Variants in FRMD4A observed in about 807,000 individuals in gnomAD.
FRMD4A encodes the protein FERM domain-containing protein 4A.
FRMD4A carries 29 observed loss-of-function variants against 129.1 expected under a neutral mutation model. The ratio of observed to expected loss-of-function variants is 0.22; its 90% CI spans 0.17 to 0.31. The LOEUF is 0.31. FRMD4A is among the 10% of genes least tolerant of loss of function. The pLI is 1.00. For synonymous variants in FRMD4A, 634 were observed against 571.6 expected (o/e 1.11, Z -1.56); for missense variants, 1,272 against 1,375.8 (o/e 0.92, Z 1.19).
chr10:13,829,893 C>T (rs1236225205), intron 3 of FRMD4A, among the ~76,000 whole-genome samples: 1 of 152,184 alleles, frequency 6.6e-6, no homozygotes, highest in African/African-American at 2.4e-5. Flanking sequence ...GGGGCCTGGC[C>T]AGGCCACTGG....
chr10:13,937,345 A>G (rs996510397), intron 2 of FRMD4A, among the ~76,000 whole-genome samples: 9 of 152,242 alleles, frequency 5.9e-5, no homozygotes, highest in African/African-American at 2.2e-4. Context: ...AGAAAGGGTC[A>G]GCAGATGAAC....
chr10:14,118,147 G>T (rs1453145059), intron 2 of FRMD4A, among the ~76,000 whole-genome samples: 1 of 152,168 alleles, frequency 6.6e-6, no homozygotes, highest in Non-Finnish European at 1.5e-5. Flanking sequence ...ATATGAGTTT[G>T]ACCAAACACC....
chr10:13,685,724 C>CAG, intron 15 of FRMD4A: 1 of 755,240 alleles, frequency 1.3e-6, no homozygotes, highest in Non-Finnish European at 1.6e-6. Flanking sequence ...AGGAGGATCG[C>CAG]TTAAGCCCAG....
intron 3 of FRMD4A, among the ~76,000 whole-genome samples, chr10:13,836,741 G>A (rs1203299984): frequency 6.7e-6 from 1 of 148,508 alleles, no homozygotes; most frequent in Non-Finnish European, 1.5e-5. Context: ...TCACTCCAGG[G>A]TTCCTCAGTG....
chr10:14,162,859 T>C (rs1840980549), intron 2 of FRMD4A, among the ~76,000 whole-genome samples: 1 of 152,118 alleles, frequency 6.6e-6, no homozygotes, highest in Non-Finnish European at 1.5e-5. Context: ...GAGCAATGCA[T>C]GATTTACTCA....
At chr10:13,992,246 C>G (rs1001178063) in intron 2 of FRMD4A, among the ~76,000 whole-genome samples, 2 of 152,354 alleles carry the variant, frequency 1.3e-5, no homozygotes, top group Admixed American at 1.3e-4. Flanking sequence ...GCCAGTGGTT[C>G]AAGGGGTTTC....
chr10:13,826,731 AC>A (rs2093706737), intron 3 of FRMD4A, among the ~76,000 whole-genome samples: 1 of 152,154 alleles, frequency 6.6e-6, no homozygotes, highest in Admixed American at 6.5e-5. Context: ...AGACACCCTT[AC>A]TGGGCTAGAA....
intron 2 of FRMD4A, among the ~76,000 whole-genome samples, chr10:13,878,594 A>C (rs898296676): frequency 1.3e-5 from 2 of 152,126 alleles, no homozygotes; most frequent in African/African-American, 2.4e-5. Flanking sequence ...CTCTACTAAA[A>C]ATACAAAAAT....
intron 2 of FRMD4A, among the ~76,000 whole-genome samples, chr10:14,217,952 T>C (rs542696746): frequency 2.4e-4 from 37 of 152,186 alleles, no homozygotes; most frequent in Admixed American, 5.2e-4. Context: ...TGCCTCAGCC[T>C]CCTAAGTAGC....
intron 2 of FRMD4A, among the ~76,000 whole-genome samples, chr10:13,966,561 A>T (rs2095486384): frequency 6.6e-6 from 1 of 152,180 alleles, no homozygotes; most frequent in Non-Finnish European, 1.5e-5. Context: ...GCTGCCACTC[A>T]CACACAGCCA....
chr10:14,135,541 T>A (rs1839489065), intron 2 of FRMD4A, among the ~76,000 whole-genome samples: 1 of 152,224 alleles, frequency 6.6e-6, no homozygotes, highest in Non-Finnish European at 1.5e-5. Context: ...AAATTATTCA[T>A]TGCTCAATTA....
At chr10:13,884,196 TCACACACACACTCA>T (rs1273556061) in intron 2 of FRMD4A, among the ~76,000 whole-genome samples, 3,918 of 108,296 alleles carry the variant, frequency 0.036, 110 homozygotes, top group Non-Finnish European at 0.051. Flanking sequence ...ACACACACAC[TCACACACACACTCA>T]CACACACACA....
At chr10:13,901,039 T>C (rs1013683336) in intron 2 of FRMD4A, among the ~76,000 whole-genome samples, 2 of 152,196 alleles carry the variant, frequency 1.3e-5, no homozygotes, top group East Asian at 1.9e-4. Flanking sequence ...GTTAACCCCA[T>C]TTATAGGTGA....
chr10:13,780,149 A>C (rs1295295843), intron 6 of FRMD4A, among the ~76,000 whole-genome samples: 3 of 152,132 alleles, frequency 2.0e-5, no homozygotes, highest in African/African-American at 7.2e-5. Flanking sequence ...CAACATGGCA[A>C]AACCCCATCT....
At chr10:13,792,884 G>T (rs2093033859) in intron 5 of FRMD4A, among the ~76,000 whole-genome samples, 1 of 152,216 alleles carries the variant, frequency 6.6e-6, no homozygotes, top group Non-Finnish European at 1.5e-5. Context: ...GGCCTCTGCA[G>T]AGGAAATGCT....
In FRMD4A at chr10:13,657,534, C is replaced by G. The variant is rs760974383; in HGVS notation, c.2067-12G>C. The G allele has an allele frequency of 3.9e-6, 6 of 1,534,790 alleles. No homozygotes were observed. The South Asian group carries it at 7.3e-5, about 19-fold the overall frequency. On this transcript the variant is annotated splice_polypyrimidine_tract_variant and intron_variant, in intron 21 of 24. Transcript: ENST00000357447. ...TGATGTCCACCGACCTGCCGGGAGA[C>G]GACCCGGGTTGGTCTGGGGGTGGGG...
chr10:14,060,550 T>A (rs1175060139), intron 2 of FRMD4A, among the ~76,000 whole-genome samples: 1 of 152,228 alleles, frequency 6.6e-6, no homozygotes, highest in African/African-American at 2.4e-5. Context: ...GGCATTTTCA[T>A]GTTCAAAGAC....
intron 2 of FRMD4A, among the ~76,000 whole-genome samples, chr10:14,209,580 G>C (rs1253860841): frequency 6.6e-6 from 1 of 152,098 alleles, no homozygotes; most frequent in Non-Finnish European, 1.5e-5. Context: ...AATTAGCCGG[G>C]CATGGTGGTG....
At chr10:13,735,729 T>C (rs772629570) in intron 12 of FRMD4A, among the ~76,000 whole-genome samples, 2 of 152,242 alleles carry the variant, frequency 1.3e-5, no homozygotes, top group African/African-American at 2.4e-5. Context: ...ACCTCAATTA[T>C]GCATGTCGGC....
Sources: gnomAD v4.1 joint callset for allele counts (sites outside exome capture counted in the v4.1 genomes callset) on GRCh38, gnomAD v4.1.1 for gene constraint, MANE v1.5 for transcripts, NCBI Gene and HGNC (gene_info 2026-07-23, HGNC 2026-07-21) for gene names.